UPB1: variants seen among roughly 807,000 people sequenced by gnomAD.
The protein encoded by UPB1 is beta-ureidopropionase 1.
In UPB1, 40 loss-of-function variants were observed where a neutral mutation model predicts 49.1. The ratio of observed to expected loss-of-function variants is 0.81; its 90% CI spans 0.63 to 1.06. The LOEUF (loss-of-function observed/expected upper bound fraction) is 1.06. Ranked by LOEUF, UPB1 falls within the 50% of genes least tolerant of loss-of-function variation. UPB1 has a pLI of 0.00. For missense variants in UPB1, 499 were observed against 505.9 expected (o/e 0.99, Z 0.13); for synonymous variants, 207 against 198.2 (o/e 1.04, Z -0.38).
Position 24,515,371 on chromosome 22 carries a change from G to T in UPB1, c.791+1G>T. 2 of 1,614,094 alleles carry T rather than the reference G, an allele frequency of 1.2e-6. No individual in the cohort carries two copies. Among genetic ancestry groups the T allele is most frequent in the Non-Finnish European group, 1.7e-6 (2 of 1,179,974 alleles). On this transcript the variant is annotated splice_donor_variant, in intron 6 of 9. Coordinates refer to ENST00000326010, the MANE Select transcript of UPB1 (RefSeq NM_016327.3). LOFTEE classifies it high-confidence loss of function. ...CCTCGGCCACGATAGGAGCACTCAG[G>T]TCACTCAGTTGGTGGGGTCTGGGGG... is the stretch of plus-strand genomic sequence containing the variant.
intron 8 of UPB1, 30 bp downstream of exon 8, chr22:24,522,058 T>C (rs1481361510): frequency 6.2e-7 from 1 of 1,612,542 alleles, no homozygotes; most frequent in East Asian, 2.2e-5. Context: ...GTGGCTGCAG[T>C]TGAGGAGTGG....
At position 24,525,877 on chromosome 22, in the gene UPB1, G is replaced by A. The variant is rs1268105902; in HGVS notation, c.*83G>A. ...AGTGTGGCAGGCTTAACATGTCCAG[G>A]TTCTCCCCAATAACATTGTCCAGGT... is the stretch of plus-strand genomic sequence containing the variant. On this transcript the variant is annotated 3_prime_UTR_variant, in exon 10 of 10. Transcript: ENST00000326010. 4 of 1,544,490 alleles carry A rather than the reference G, an allele frequency of 2.6e-6. No individual in the cohort carries two copies. The highest frequency in any genetic ancestry group is 3.6e-6 in the Non-Finnish European group (4 of 1,118,276).
Position 24,503,954 on chromosome 22 carries a change from T to C in UPB1, c.364+1741T>C, listed in dbSNP as rs528035010. On this transcript the variant is annotated intron_variant, in intron 3 of 9. Transcript: ENST00000326010. The stretch of plus-strand genomic sequence containing the variant: ...TTGGGATACCGGTGGAAACACAAAG[T>C]TGGGCTCCTAGGGCCAGAGTGGTAG... Among the ~76,000 whole-genome samples, 41 of 152,348 alleles carry C rather than the reference T, an allele frequency of 2.7e-4. 3 individuals carry two copies. The South Asian group carries it at 7.7e-3, about 28-fold the overall frequency.
rs775676598 is a variant in UPB1, at chr22:24,510,783, T to G, written c.399T>G (p.Leu133=). Residue 133 remains leucine (L), a synonymous_variant, in exon 4 of 10, where the codon CTT becomes CTG. Transcript: ENST00000326010. ...MPFAFCTREK[L]PWTEFAESAE... is the part of the protein sequence containing the mutation. ...TTGCCTTCTGTACGAGAGAGAAGCT[T>G]CCTTGGACAGAATTTGCTGAGTCAG... 4.2e-5 allele frequency: 67 copies of G among 1,614,066 alleles called. No homozygotes were observed. The highest frequency in any genetic ancestry group is 6.7e-5 in the Admixed American group (4 of 60,002).
chr22:24,497,607 TGGGGA>T lies in UPB1; in HGVS notation c.104+2103_104+2107del, dbSNP rs1384546937. Among the ~76,000 whole-genome samples the T allele has an allele frequency of 2.0e-3, 304 of 151,954 alleles. 4 individuals carry two copies. The highest frequency in any genetic ancestry group is 3.4e-3 in the Middle Eastern group (1 of 294). ...TTGAAGTTTGAAGGGAAGCCCTGAGTGGGGAGGCCTCAGTAGCAGGGTGAGGGGTA... is the reference window on the plus strand; with the variant it reads ...TTGAAGTTTGAAGGGAAGCCCTGAGTGGCCTCAGTAGCAGGGTGAGGGGTA... On this transcript the variant is annotated intron_variant, in intron 1 of 9. Transcript: ENST00000326010.
intron 1 of UPB1, among the ~76,000 whole-genome samples, chr22:24,496,284 T>G (rs964182165): frequency 4.0e-5 from 6 of 151,700 alleles, no homozygotes; most frequent in African/African-American, 1.5e-4. Flanking sequence ...GGCGGGAGGA[T>G]CACTTGAGCT....
rs760150622 is a variant in UPB1, at chr22:24,502,353, C to T, written c.364+140C>T. 5.4e-6 allele frequency: 5 copies of T among 927,454 alleles called. No homozygotes were observed. In the African/African-American group the frequency reaches 8.1e-5, roughly 15 times the overall value. 57.5% of individuals were successfully genotyped at this position (927,454 alleles called of 1,614,324 possible). A position where few individuals can be genotyped will look rare whatever the true frequency, so the allele number is the denominator to read the frequency against. On this transcript the variant is annotated intron_variant, in intron 3 of 9. Coordinates refer to ENST00000326010, the MANE Select transcript of UPB1 (RefSeq NM_016327.3). ...CATGGAAAGTTCTCCGTCCACATCA[C>T]CAGGAACCCCGGCCTCCCTGCTGTT...
intron 7 of UPB1, among the ~76,000 whole-genome samples, chr22:24,521,698 G>C (rs946181567): frequency 1.3e-5 from 2 of 152,130 alleles, no homozygotes; most frequent in Non-Finnish European, 2.9e-5. Context: ...GAACCAGTCT[G>C]TGCCCAGTTT....
chr22:24,524,573 C>T (rs2044450332), intron 9 of UPB1, among the ~76,000 whole-genome samples: 1 of 152,148 alleles, frequency 6.6e-6, no homozygotes, highest in African/African-American at 2.4e-5. Flanking sequence ...GCAGCCTTGA[C>T]CTCCTGGGCT....
chr22:24,499,932 T>C (rs1182686742), intron 1 of UPB1, among the ~76,000 whole-genome samples, 175 bp from the exon 2 acceptor site: 2 of 152,232 alleles, frequency 1.3e-5, no homozygotes. Context: ...TGTAGTGTTC[T>C]GTCATGGCTG....
intron 8 of UPB1, 94 bp downstream of exon 8, chr22:24,522,122 A>G (rs2044405863): frequency 6.9e-7 from 1 of 1,447,560 alleles, no homozygotes; most frequent in South Asian, 1.2e-5. Context: ...TGCCACACAG[A>G]TCACATCTGC....
At chr22:24,508,483 C>G (rs986299865) in intron 3 of UPB1, among the ~76,000 whole-genome samples, 3 of 151,928 alleles carry the variant, frequency 2.0e-5, no homozygotes, top group Non-Finnish European at 2.9e-5. Context: ...CGCTTGAACC[C>G]AGGAGGTGGA....
chr22:24,515,412 G>C (rs369523102), intron 6 of UPB1, 42 bp downstream of exon 6: 112 of 1,613,426 alleles, frequency 6.9e-5, no homozygotes, highest in Non-Finnish European at 9.4e-5. Flanking sequence ...CTGGGGCCCA[G>C]CCAGCTAAAG....
At chr22:24,522,464 T>C (rs2044411604) in intron 8 of UPB1, among the ~76,000 whole-genome samples, 1 of 152,138 alleles carries the variant, frequency 6.6e-6, no homozygotes, top group South Asian at 2.1e-4. Flanking sequence ...GTCCATGGCT[T>C]GTTTTGATCC....
At chr22:24,515,876 T>C (rs993922309) in intron 6 of UPB1, among the ~76,000 whole-genome samples, 1 of 152,180 alleles carries the variant, frequency 6.6e-6, no homozygotes, top group Non-Finnish European at 1.5e-5. Flanking sequence ...CTCGGGAGGC[T>C]GAGGCAGGAG....
chr22:24,511,982 T>A (rs1009171659), intron 4 of UPB1, among the ~76,000 whole-genome samples: 1 of 152,160 alleles, frequency 6.6e-6, no homozygotes, highest in African/African-American at 2.4e-5. Context: ...TTATCCTTAT[T>A]TTCACCTCTA....
intron 1 of UPB1, among the ~76,000 whole-genome samples, chr22:24,499,377 C>T (rs2043948274): frequency 6.6e-6 from 1 of 152,206 alleles, no homozygotes; most frequent in African/African-American, 2.4e-5. Flanking sequence ...CTGTGGCTTT[C>T]ACCTTCGGGT....
chr22:24,521,524 TTTAG>T (rs2044394020), intron 7 of UPB1, among the ~76,000 whole-genome samples: 1 of 152,080 alleles, frequency 6.6e-6, no homozygotes, highest in African/African-American at 2.4e-5. Context: ...AACCTGATGT[TTTAG>T]TTAGCCTATG....
intron 7 of UPB1, 145 bp downstream of exon 7, chr22:24,520,613 C>A: frequency 2.2e-6 from 2 of 908,600 alleles, no homozygotes; most frequent in South Asian, 1.5e-5. Flanking sequence ...CAAGATATCT[C>A]TGTCCTCCTG....
Sources: gnomAD v4.1 joint callset for allele counts (sites outside exome capture counted in the v4.1 genomes callset) on GRCh38, gnomAD v4.1.1 for gene constraint, MANE v1.5 for transcripts, NCBI Gene and HGNC (gene_info 2026-07-23, HGNC 2026-07-21) for gene names.